The following EPO variants were observed in gnomAD, a reference collection of about 807,000 sequenced individuals.
EPO encodes epoetin.
EPO carries 12 observed loss-of-function variants against 24.4 expected under a neutral mutation model. That is an observed-to-expected ratio of 0.49 (90% CI 0.32 to 0.80). EPO has a LOEUF of 0.80. EPO is among the 30% of genes least tolerant of loss of function. EPO has a pLI of 0.04. For synonymous variants in EPO, 107 were observed against 104.0 expected (o/e 1.03, Z -0.18); for missense variants, 210 against 238.0 (o/e 0.88, Z 0.77).
chr7:100,723,207 T>G lies in EPO; in HGVS notation c.*74T>G. The G allele has an allele frequency of 1.9e-6, 3 of 1,548,928 alleles. No homozygotes were observed. The highest frequency in any genetic ancestry group is 1.2e-5 in the South Asian group (1 of 82,246). Reference sequence around the variant, plus strand: ...CTTGTGCCACACCCTCCCCCGCCACTCCTGAACCCCGTCGAGGGGCTCTCA... The same window carrying G: ...CTTGTGCCACACCCTCCCCCGCCACGCCTGAACCCCGTCGAGGGGCTCTCA... On this transcript the variant is annotated 3_prime_UTR_variant, in exon 5 of 5. Coordinates refer to ENST00000252723, the MANE Select transcript of EPO (RefSeq NM_000799.4).
At position 100,721,437 on chromosome 7, in the gene EPO, C is replaced by G. The variant is rs1806737891; in HGVS notation, c.14-121C>G. 2 of 1,334,952 alleles carry G rather than the reference C, an allele frequency of 1.5e-6. No individual in the cohort carries two copies. The highest frequency in any genetic ancestry group is 2.0e-6 in the Non-Finnish European group (2 of 979,522). 82.7% of individuals were successfully genotyped at this position (1,334,952 alleles called of 1,614,324 possible). A position where few individuals can be genotyped will look rare whatever the true frequency, so the allele number is the denominator to read the frequency against. ...AGGCCAGGGAGGCAGCACCTGAGTG[C>G]TTGCATGGTTGGGGACAGGAAGGAC... On this transcript the variant is annotated intron_variant, in intron 1 of 4. Transcript: ENST00000252723. The surrounding 1 kb of genome is among the most constrained non-coding windows in gnomAD (Gnocchi z 4.0).
intron 3 of EPO, 113 bp from the exon 4 acceptor site, chr7:100,722,550 CA>C: frequency 5.3e-6 from 4 of 759,050 alleles, no homozygotes; most frequent in South Asian, 1.8e-5. Flanking sequence ...TTCATTCATT[CA>C]ACAAGTCTTA....
At position 100,723,023 on chromosome 7, in the gene EPO, C is replaced by T. The variant is rs893404064; in HGVS notation, c.472C>T (p.Arg158Ter). 7 of 1,614,146 alleles carry T rather than the reference C, an allele frequency of 4.3e-6. No homozygotes were observed. The highest frequency in any genetic ancestry group is 5.9e-6 in the Non-Finnish European group (7 of 1,180,028). Residue 158 changes from arginine (R) to a stop codon, truncating the protein, a stop_gained, in exon 5 of 5, where the codon CGA (arginine) becomes TGA (stop). Coordinates refer to ENST00000252723, the MANE Select transcript of EPO (RefSeq NM_000799.4). LOFTEE classifies it high-confidence loss of function. ...PPDAASAAPLRTITADTFRKL... is the reference protein window; with the variant it reads ...PPDAASAAPL ...AGATGCGGCCTCAGCTGCTCCACTC[C>T]GAACAATCACTGCTGACACTTTCCG...
chr7:100,722,641 C>G, intron 3 of EPO, 23 bp from the exon 4 acceptor site: 2 of 1,562,908 alleles, frequency 1.3e-6, no homozygotes, highest in South Asian at 2.4e-5. Context: ...GGTCAGCTGA[C>G]TCCCAGAGTC....
rs933176157 is a variant in EPO at position 100,723,217 on chromosome 7, C to G, written c.*84C>G. On this transcript the variant is annotated 3_prime_UTR_variant, in exon 5 of 5. Transcript: ENST00000252723. ...ACCCTCCCCCGCCACTCCTGAACCC[C>G]GTCGAGGGGCTCTCAGCTCAGCGCC... The G allele has an allele frequency of 6.0e-5, 91 of 1,508,796 alleles. No homozygotes were observed. Among genetic ancestry groups the G allele is most frequent in the Non-Finnish European group, 8.0e-5 (89 of 1,107,684 alleles). The allele number at this position is 1,508,796 out of a possible 1,614,324, so 93.5% of individuals were successfully genotyped here.
chr7:100,723,158 C>T lies in EPO; in HGVS notation c.*25C>T. 1 of 1,602,484 alleles carries T rather than the reference C, an allele frequency of 6.2e-7. No individual in the cohort carries two copies. Among genetic ancestry groups the T allele is most frequent in the South Asian group, 1.1e-5 (1 of 89,302 alleles). On this transcript the variant is annotated 3_prime_UTR_variant, in exon 5 of 5. Coordinates refer to ENST00000252723, the MANE Select transcript of EPO (RefSeq NM_000799.4). ...ACCAGGTGTGTCCACCTGGGCATAT[C>T]CACCACCTCCCTCACCAACATTGCT...
Position 100,723,125 on chromosome 7 carries a change from G to A in EPO, c.574G>A (p.Asp192Asn), listed in dbSNP as rs763243146. The change falls in exon 5 of 5, where the codon GAC (aspartate) becomes AAC (asparagine). Residue 192 changes from aspartate (D) to asparagine (N), a missense_variant. Coordinates refer to ENST00000252723, the MANE Select transcript of EPO (RefSeq NM_000799.4). The part of the protein sequence containing the change: ...LYTGEACRTG[D>N]R ...CACAGGGGAGGCCTGCAGGACAGGGGACAGATGACCAGGTGTGTCCACCTG... is the reference window on the plus strand; with the variant it reads ...CACAGGGGAGGCCTGCAGGACAGGGAACAGATGACCAGGTGTGTCCACCTG... The A allele has an allele frequency of 6.8e-6, 11 of 1,613,650 alleles. No individual in the cohort carries two copies. The highest frequency in any genetic ancestry group is 5.0e-5 in the Admixed American group (3 of 59,928).
chr7:100,723,284 A>G lies in EPO; in HGVS notation c.*151A>G. On this transcript the variant is annotated 3_prime_UTR_variant, in exon 5 of 5. Coordinates refer to ENST00000252723, the MANE Select transcript of EPO (RefSeq NM_000799.4). ...ACTCCAGTGCCAGCAATGACATCTC[A>G]GGGGCCAGAGGAACTGTCCAGAGAG... 1 of 845,634 alleles carries G rather than the reference A, an allele frequency of 1.2e-6. No homozygotes were observed. The highest frequency in any genetic ancestry group is 1.8e-6 in the Non-Finnish European group (1 of 554,868). 52.4% of individuals were successfully genotyped at this position (845,634 alleles called of 1,614,324 possible). A position where few individuals can be genotyped will look rare whatever the true frequency, so the allele number is the denominator to read the frequency against.
rs1182716483 is a variant in EPO at position 100,720,814 on chromosome 7, G to C, written c.-167G>C. The C allele has an allele frequency of 1.6e-5, 12 of 764,596 alleles. No individual in the cohort carries two copies. The South Asian group carries it at 3.5e-4, about 22-fold the overall frequency. The allele number at this position is 764,596 out of a possible 1,614,324, so 47.4% of individuals were successfully genotyped here. A position where few individuals can be genotyped will look rare whatever the true frequency, so the allele number is the denominator to read the frequency against. The stretch of plus-strand genomic sequence containing the variant: ...CGCGCTGTCCTCCCGGAGCCGGACC[G>C]GGGCCACCGCGCCCGCTCTGCTCCG... On this transcript the variant is annotated 5_prime_UTR_variant, in exon 1 of 5. Transcript: ENST00000252723.
In EPO at chr7:100,721,136, G is replaced by A. The variant is rs187459673; in HGVS notation, c.13+143G>A. 122 of 329,432 alleles carry A rather than the reference G, an allele frequency of 3.7e-4. 1 individual carries two copies. The highest frequency in any genetic ancestry group is 1.3e-3 in the Admixed American group (29 of 21,786). 20.4% of individuals were successfully genotyped at this position (329,432 alleles called of 1,614,324 possible). A position where few individuals can be genotyped will look rare whatever the true frequency, so the allele number is the denominator to read the frequency against. ...ACCCCGGAAGGGGGAGGGGGGTGGG[G>A]CAGCCTCCACGTGCCAGCGGGGACT... On this transcript the variant is annotated intron_variant, in intron 1 of 4. Transcript: ENST00000252723. The surrounding 1 kb of genome is among the most constrained non-coding windows in gnomAD (Gnocchi z 4.0).
In EPO at chr7:100,720,781, C is replaced by T. The variant is rs1806727207; in HGVS notation, c.-200C>T. Reference sequence around the variant, plus strand: ...GCCACCCCGGCCGCTCGCTGCGCTGCGCCGCACCGCGCTGTCCTCCCGGAG... The same window carrying T: ...GCCACCCCGGCCGCTCGCTGCGCTGTGCCGCACCGCGCTGTCCTCCCGGAG... On this transcript the variant is annotated 5_prime_UTR_variant, in exon 1 of 5. Transcript: ENST00000252723. 1.9e-6 allele frequency: 1 copy of T among 531,636 alleles called. No individual in the cohort carries two copies. Among genetic ancestry groups the T allele is most frequent in the South Asian group, 5.3e-5 (1 of 18,914 alleles). The allele number at this position is 531,636 out of a possible 1,614,324, so 32.9% of individuals were successfully genotyped here.
Position 100,723,136 on chromosome 7 carries a change from A to G in EPO, c.*3A>G, listed in dbSNP as rs760053342. 19 of 1,612,924 alleles carry G rather than the reference A, an allele frequency of 1.2e-5. No individual in the cohort carries two copies. The Admixed American group carries it at 2.7e-4, about 23-fold the overall frequency. ...CCTGCAGGACAGGGGACAGATGACC[A>G]GGTGTGTCCACCTGGGCATATCCAC... On this transcript the variant is annotated 3_prime_UTR_variant, in exon 5 of 5. Coordinates refer to ENST00000252723, the MANE Select transcript of EPO (RefSeq NM_000799.4).
In EPO at chr7:100,721,698, A is replaced by T. The variant is rs770575141; in HGVS notation, c.154A>T (p.Ile52Phe). Residue 52 changes from isoleucine (I) to phenylalanine (F), a missense_variant, in exon 2 of 5, where the codon ATC (isoleucine) becomes TTC (phenylalanine). Physicochemically the swap from Ile to Phe is conservative, Grantham distance 21. Transcript: ENST00000252723. This position sits in a 1 kb window ranked among gnomAD's most constrained non-coding sequence, Gnocchi z 4.0. ...CTTGGAGGCCAAGGAGGCCGAGAAT[A>T]TCACGGTGAGACCCCTTCCCCAGCA... ...YLLEAKEAEN[I>F]TTGCAEHCSL... is the part of the protein sequence containing the mutation. 13 of 1,609,230 alleles carry T rather than the reference A, an allele frequency of 8.1e-6. No individual in the cohort carries two copies. Among genetic ancestry groups the T allele is most frequent in the Non-Finnish European group, 1.1e-5 (13 of 1,179,864 alleles).
chr7:100,722,650 T>A lies in EPO; in HGVS notation c.247-14T>A. ...GACATGGGTCAGCTGACTCCCAGAG[T>A]CCACTCCCTGTAGGTCGGGCAGCAG... On this transcript the variant is annotated splice_polypyrimidine_tract_variant and intron_variant, in intron 3 of 4. Coordinates refer to ENST00000252723, the MANE Select transcript of EPO (RefSeq NM_000799.4). 6.3e-7 allele frequency: 1 copy of A among 1,575,288 alleles called. No individual in the cohort carries two copies. The highest frequency in any genetic ancestry group is 1.2e-5 in the South Asian group (1 of 85,560).
chr7:100,720,965 C>A lies in EPO; in HGVS notation c.-16C>A. 1 of 1,568,022 alleles carries A rather than the reference C, an allele frequency of 6.4e-7. No homozygotes were observed. The highest frequency in any genetic ancestry group is 2.4e-5 in the East Asian group (1 of 41,866). ...GCGCGCCCCAGGTCGCTGAGGGACC[C>A]CGGCCAGGCGCGGAGATGGGGGTGC... On this transcript the variant is annotated 5_prime_UTR_variant, in exon 1 of 5. Coordinates refer to ENST00000252723, the MANE Select transcript of EPO (RefSeq NM_000799.4).
In EPO at chr7:100,722,673, C is replaced by G. The variant is rs1222070451; in HGVS notation, c.256C>G (p.Gln86Glu). The change falls in exon 4 of 5, where the codon CAG becomes GAG. Residue 86 changes from glutamine (Q) to glutamate (E), a missense_variant. Physicochemically the swap from Gln to Glu is conservative, Grantham distance 29. Coordinates refer to ENST00000252723, the MANE Select transcript of EPO (RefSeq NM_000799.4). ...AGTCCACTCCCTGTAGGTCGGGCAG[C>G]AGGCCGTAGAAGTCTGGCAGGGCCT... ...YAWKRMEVGQ[Q>E]AVEVWQGLAL... is the part of the protein sequence containing the mutation. 6.3e-7 allele frequency: 1 copy of G among 1,591,204 alleles called. No individual in the cohort carries two copies. The highest frequency in any genetic ancestry group is 8.5e-7 in the Non-Finnish European group (1 of 1,173,578).
rs1265051273 is a variant in EPO at position 100,721,509 on chromosome 7, C to T, written c.14-49C>T. On this transcript the variant is annotated intron_variant, in intron 1 of 4. Coordinates refer to ENST00000252723, the MANE Select transcript of EPO (RefSeq NM_000799.4). The surrounding 1 kb of genome is among the most constrained non-coding windows in gnomAD (Gnocchi z 4.0). ...GATGAAGGAAGCTGTCCTTCCACAG[C>T]CACCCTTCTCCCTCCCCGCCTGACT... 2.5e-6 allele frequency: 4 copies of T among 1,590,176 alleles called. No individual in the cohort carries two copies. In the Admixed American group the frequency reaches 5.2e-5, roughly 21 times the overall value.
rs202242218 is a variant in EPO, at chr7:100,723,196, T to G, written c.*63T>G. 18 of 1,488,354 alleles carry G rather than the reference T, an allele frequency of 1.2e-5. No homozygotes were observed. Among genetic ancestry groups the G allele is most frequent in the Non-Finnish European group, 1.6e-5 (18 of 1,116,566 alleles). 92.2% of individuals were successfully genotyped at this position (1,488,354 alleles called of 1,614,324 possible). A position where few individuals can be genotyped will look rare whatever the true frequency, so the allele number is the denominator to read the frequency against. On this transcript the variant is annotated 3_prime_UTR_variant, in exon 5 of 5. Coordinates refer to ENST00000252723, the MANE Select transcript of EPO (RefSeq NM_000799.4). The stretch of plus-strand genomic sequence containing the variant: ...CACCAACATTGCTTGTGCCACACCC[T>G]CCCCCGCCACTCCTGAACCCCGTCG...
rs770536039 is a variant in EPO, at chr7:100,721,597, C to T, written c.53C>T (p.Ser18Leu). The T allele has an allele frequency of 4.3e-5, 69 of 1,613,868 alleles. No individual in the cohort carries two copies. The highest frequency in any genetic ancestry group is 5.6e-5 in the Non-Finnish European group (66 of 1,180,028). ...CTGTGGCTTCTCCTGTCCCTGCTGTCGCTCCCTCTGGGCCTCCCAGTCCTG... is the reference window on the plus strand; with the variant it reads ...CTGTGGCTTCTCCTGTCCCTGCTGTTGCTCCCTCTGGGCCTCCCAGTCCTG... ...AWLWLLLSLL[S>L]LPLGLPVLGA... is the part of the protein sequence containing the mutation. The change falls in exon 2 of 5, where the codon TCG (serine) becomes TTG (leucine). Residue 18 changes from serine to leucine, a missense_variant. Ser to Leu is a moderately radical substitution (Grantham distance 145, BLOSUM62 -2). Coordinates refer to ENST00000252723, the MANE Select transcript of EPO (RefSeq NM_000799.4). The surrounding 1 kb of genome is among the most constrained non-coding windows in gnomAD (Gnocchi z 4.0).
Sources: gnomAD v4.1 joint callset for allele counts on GRCh38, gnomAD v4.1.1 for gene constraint, Gnocchi (gnomAD v3.1) non-coding constraint, MANE v1.5 for transcripts, NCBI Gene and HGNC (gene_info 2026-07-23, HGNC 2026-07-21) for gene names.